Variants in KLKB1 observed in about 807,000 individuals in gnomAD.
KLKB1 encodes plasma kallikrein.
A neutral mutation model predicts 73.6 loss-of-function variants in KLKB1; 58 were observed. The ratio of observed to expected loss-of-function variants is 0.79; its 90% CI spans 0.64 to 0.98. KLKB1 has a LOEUF of 0.98. Ranked by LOEUF, KLKB1 falls within the 50% of genes least tolerant of loss-of-function variation. The probability of loss-of-function intolerance (pLI) is 0.00; values close to 1 mark genes in which losing one functional copy is unlikely to be tolerated. For missense variants in KLKB1, 737 were observed against 763.8 expected (o/e 0.96, Z 0.41); for synonymous variants, 280 against 258.1 (o/e 1.08, Z -0.81).
chr4:186,250,470 C>CATCACTTTTA, intron 7 of KLKB1, 68 bp downstream of exon 7: 1 of 1,544,994 alleles, frequency 6.5e-7, no homozygotes, highest in Non-Finnish European at 8.9e-7. Flanking sequence ...GCTGTACTTT[C>CATCACTTTTA]ATCACTTTTA....
chr4:186,212,822 C>G (rs889195476), intron 2 of KLKB1: 1 of 152,180 alleles, frequency 6.6e-6, no homozygotes, highest in Non-Finnish European at 1.5e-5. Context: ...CCAAATTGCA[C>G]CCATTTAACT....
intron 12 of KLKB1, 27 bp downstream of exon 12, chr4:186,254,790 G>T: frequency 6.3e-7 from 1 of 1,578,792 alleles, no homozygotes; most frequent in South Asian, 1.1e-5. Context: ...AGAAGGTGGA[G>T]AGCAGAATTG....
At chr4:186,247,730 TATAA>T (rs1355800173) in intron 6 of KLKB1, among the ~76,000 whole-genome samples, 7 of 152,252 alleles carry the variant, frequency 4.6e-5, no homozygotes, top group Admixed American at 3.9e-4. Flanking sequence ...TTCTTATGTA[TATAA>T]ATAATGTGTC....
intron 2 of KLKB1, among the ~76,000 whole-genome samples, chr4:186,217,801 G>A (rs1736940480): frequency 6.6e-6 from 1 of 152,092 alleles, no homozygotes; most frequent in Non-Finnish European, 1.5e-5. Flanking sequence ...TTAAAATAGA[G>A]CTCCCTGAGC....
chr4:186,257,912 C>G, intron 14 of KLKB1, 109 bp from the exon 15 acceptor site: 5 of 957,742 alleles, frequency 5.2e-6, no homozygotes, highest in African/African-American at 1.6e-5. Context: ...ATGAAAGTAT[C>G]TGTGTGTGTG....
At chr4:186,228,980 A>T (rs1417268032) in intron 2 of KLKB1, 1 of 152,182 alleles carries the variant, frequency 6.6e-6, no homozygotes, top group East Asian at 1.9e-4. Flanking sequence ...GCTACAATAA[A>T]CATCTATAGG....
chr4:186,232,069 T>G, intron 2 of KLKB1, 58 bp from the exon 3 acceptor site: 1 of 1,416,124 alleles, frequency 7.1e-7, no homozygotes, highest in Admixed American at 2.0e-5. Flanking sequence ...AACAGATATC[T>G]TTTTATTAAA....
At chr4:186,248,573 T>A (rs913571137) in intron 6 of KLKB1, among the ~76,000 whole-genome samples, 1 of 148,774 alleles carries the variant, frequency 6.7e-6, no homozygotes, top group African/African-American at 2.5e-5. Context: ...CTTAGTTTGA[T>A]GAACATTTGA....
At chr4:186,252,291 T>C in intron 11 of KLKB1, 106 bp downstream of exon 11, 1 of 1,220,852 alleles carries the variant, frequency 8.2e-7, no homozygotes, top group East Asian at 2.3e-5. Context: ...TAGAGACGTG[T>C]TAAAGCGGGG....
chr4:186,254,646 A>T lies in KLKB1; in HGVS notation c.1372A>T (p.Thr458Ser), dbSNP rs145188249. The stretch of plus-strand genomic sequence containing the variant: ...TGGCATTTTAAATCTGTCAGACATT[A>T]CAAAAGATACACCTTTCTCACAAAT... The part of the protein sequence containing the change: ...YSGILNLSDI[T>S]KDTPFSQIKE... The change falls in exon 12 of 15, where the codon ACA (threonine) becomes TCA (serine). Residue 458 changes from threonine (T) to serine (S), a missense_variant. Physicochemically the swap from Thr to Ser is moderately conservative, Grantham distance 58 (BLOSUM62 1). Coordinates refer to ENST00000264690, the MANE Select transcript of KLKB1 (RefSeq NM_000892.5). The T allele has an allele frequency of 6.2e-7, 1 of 1,613,806 alleles. No homozygotes were observed. The highest frequency in any genetic ancestry group is 8.5e-7 in the Non-Finnish European group (1 of 1,179,708).
intron 5 of KLKB1, 101 bp downstream of exon 5, chr4:186,237,041 G>T (rs1737731001): frequency 1.8e-6 from 2 of 1,125,638 alleles, no homozygotes; most frequent in Middle Eastern, 1.9e-4. Flanking sequence ...ACCAAACAGG[G>T]CTTTTATTCT....
In KLKB1 at chr4:186,251,471, T is replaced by A. The variant is rs764156418; in HGVS notation, c.869-16T>A. ...TTTTCCCATCTGATATCTTTTTGTG[T>A]TTATAATTGACACAGAACCCTGCCA... On this transcript the variant is annotated splice_polypyrimidine_tract_variant and intron_variant, in intron 8 of 14. Transcript: ENST00000264690. 2 of 1,612,242 alleles carry A rather than the reference T, an allele frequency of 1.2e-6. No individual in the cohort carries two copies. Among genetic ancestry groups the A allele is most frequent in the Non-Finnish European group, 1.7e-6 (2 of 1,178,474 alleles).
chr4:186,250,586 A>G (rs888074037), intron 7 of KLKB1, among the ~76,000 whole-genome samples, 184 bp downstream of exon 7: 1 of 152,206 alleles, frequency 6.6e-6, no homozygotes, highest in African/African-American at 2.4e-5. Context: ...AGATTAGCAG[A>G]CTTCTCTGCC....
At chr4:186,225,933 G>A (rs190444805), upstream of KLKB1, among the ~76,000 whole-genome samples, 150 of 151,930 alleles carry the variant, frequency 9.9e-4, no homozygotes, top group African/African-American at 3.5e-3. Flanking sequence ...TATAAGTCTT[G>A]TCAGCTTTCT....
chr4:186,240,372 A>G (rs1737963885), intron 6 of KLKB1, among the ~76,000 whole-genome samples: 1 of 152,122 alleles, frequency 6.6e-6, no homozygotes, highest in Non-Finnish European at 1.5e-5. Flanking sequence ...GGACAGTGAT[A>G]TTGTTATAGT....
intron 2 of KLKB1, among the ~76,000 whole-genome samples, chr4:186,213,746 AC>A (rs375936313): frequency 1.0e-3 from 153 of 152,304 alleles, no homozygotes; most frequent in Middle Eastern, 3.4e-3. Context: ...CAGTTTCTGG[AC>A]CAAATGACCC....
chr4:186,230,179 C>A (rs894412851), intron 2 of KLKB1, among the ~76,000 whole-genome samples: 4 of 152,148 alleles, frequency 2.6e-5, no homozygotes, highest in African/African-American at 9.7e-5. Flanking sequence ...TTTCAAGCCA[C>A]TTTGTACTAG....
In KLKB1 at chr4:186,236,840, A is replaced by G; in HGVS notation, c.388A>G (p.Lys130Glu). 2 of 1,614,000 alleles carry G rather than the reference A, an allele frequency of 1.2e-6. No homozygotes were observed. The highest frequency in any genetic ancestry group is 2.2e-5 in the South Asian group (2 of 91,072). The change falls in exon 5 of 15, where the codon AAG becomes GAG. Residue 130 changes from lysine to glutamate, a missense_variant. Transcript: ENST00000264690. ...GAGAGGAGTCAATTTTAATGTGTCT[A>G]AGGTTAGCAGTGTTGAAGAATGCCA... ...DMRGVNFNVS[K>E]VSSVEECQKR...
chr4:186,248,243 A>G (rs570382815), intron 6 of KLKB1, among the ~76,000 whole-genome samples: 56 of 151,850 alleles, frequency 3.7e-4, no homozygotes, highest in African/African-American at 1.3e-3. Context: ...GCAAGACTCC[A>G]TCTCACAAAA....
Sources: allele counts gnomAD v4.1 joint callset (sites outside exome capture counted in the v4.1 genomes callset), GRCh38; gene constraint gnomAD v4.1.1; transcripts MANE v1.5; gene names NCBI Gene and HGNC (gene_info 2026-07-23, HGNC 2026-07-21).